Variants in BMAL2 observed in about 807,000 individuals in gnomAD.
The protein encoded by BMAL2 is basic helix-loop-helix ARNT-like protein 2.
At chr12:27,408,219 G>A in the BMAL2 span, among the ~76,000 whole-genome samples, 2 of 152,140 alleles carry the variant, frequency 1.3e-5, no homozygotes, top group African/African-American at 4.8e-5. Flanking sequence ...TAGAAAAAGA[G>A]GGAATCCTCC....
the BMAL2 span, among the ~76,000 whole-genome samples, chr12:27,408,106 T>G: frequency 6.6e-6 from 1 of 151,944 alleles, no homozygotes; most frequent in South Asian, 2.1e-4. Flanking sequence ...AATTAATAGC[T>G]TACCAACCAA....
chr12:27,373,002 T>C, the BMAL2 span, among the ~76,000 whole-genome samples: 1 of 152,192 alleles, frequency 6.6e-6, no homozygotes, highest in Non-Finnish European at 1.5e-5. Flanking sequence ...TGCTTGATTA[T>C]AGCCATCCTG....
At chr12:27,333,374 T>C in the BMAL2 span, among the ~76,000 whole-genome samples, 1 of 152,070 alleles carries the variant, frequency 6.6e-6, no homozygotes, top group African/African-American at 2.4e-5. Context: ...CGCGGTGTCT[T>C]GGTCCCGGGC....
At chr12:27,347,553 G>T in the BMAL2 span, among the ~76,000 whole-genome samples, 1 of 152,068 alleles carries the variant, frequency 6.6e-6, no homozygotes, top group East Asian at 1.9e-4. Flanking sequence ...GACATTGTAG[G>T]ACCACAGCTG....
the BMAL2 span, among the ~76,000 whole-genome samples, chr12:27,406,911 A>G: frequency 6.6e-6 from 1 of 152,330 alleles, no homozygotes; most frequent in South Asian, 2.1e-4. Context: ...TACCAAGCAA[A>G]TGGAAAACAA....
chr12:27,424,681 A>C, the BMAL2 span: 26 of 152,218 alleles, frequency 1.7e-4, no homozygotes, highest in African/African-American at 4.8e-4. Flanking sequence ...TCTCCCCCTC[A>C]GGTGGGTCAT....
At chr12:27,380,461 G>T in the BMAL2 span, 2 of 1,581,540 alleles carry the variant, frequency 1.3e-6, no homozygotes, top group African/African-American at 2.7e-5. Flanking sequence ...TGTCACTGAG[G>T]TCTCTGATTG....
the BMAL2 span, among the ~76,000 whole-genome samples, chr12:27,395,249 C>T: frequency 5.9e-5 from 9 of 152,162 alleles, no homozygotes; most frequent in Non-Finnish European, 1.3e-4. Flanking sequence ...AGCAGGACTC[C>T]ACCTTGTCTG....
chr12:27,372,096 C>T, the BMAL2 span, among the ~76,000 whole-genome samples: 49 of 152,066 alleles, frequency 3.2e-4, no homozygotes, highest in Non-Finnish European at 6.0e-4. Context: ...CCAGGCATGG[C>T]GGCATGCGCC....
the BMAL2 span, chr12:27,370,216 C>T: frequency 5.0e-6 from 8 of 1,613,330 alleles, no homozygotes; most frequent in Non-Finnish European, 6.8e-6. Context: ...AAATATCAGC[C>T]TCCAGTGGCA....
chr12:27,418,252 A>G, the BMAL2 span: 2 of 1,165,754 alleles, frequency 1.7e-6, no homozygotes, highest in Non-Finnish European at 1.3e-6. Context: ...CCCCCTCTTA[A>G]TCACTATGTT....
the BMAL2 span, among the ~76,000 whole-genome samples, chr12:27,381,855 A>G: frequency 6.6e-6 from 1 of 152,236 alleles, no homozygotes; most frequent in Non-Finnish European, 1.5e-5. Context: ...GTAAAGATCT[A>G]GAAGATTATA....
chr12:27,408,275 G>A, the BMAL2 span, among the ~76,000 whole-genome samples: 1 of 152,216 alleles, frequency 6.6e-6, no homozygotes, highest in Non-Finnish European at 1.5e-5. Context: ...CCATAGCCTG[G>A]CAGAGACACA....
the BMAL2 span, among the ~76,000 whole-genome samples, chr12:27,383,313 G>A: frequency 8.5e-5 from 13 of 152,238 alleles, no homozygotes; most frequent in African/African-American, 2.9e-4. Context: ...TGGGGATGGG[G>A]TCAGAAGAGG....
chr12:27,409,751 A>G, the BMAL2 span, among the ~76,000 whole-genome samples: 1 of 151,874 alleles, frequency 6.6e-6, no homozygotes, highest in South Asian at 2.1e-4. Flanking sequence ...AATGGGATCT[A>G]ATTAAACTAA....
At chr12:27,418,755 G>A in the BMAL2 span, among the ~76,000 whole-genome samples, 4 of 152,050 alleles carry the variant, frequency 2.6e-5, no homozygotes, top group Admixed American at 2.0e-4. Context: ...CAAGGCAGGC[G>A]AATCATGAGG....
the BMAL2 span, among the ~76,000 whole-genome samples, chr12:27,380,699 C>G: frequency 6.6e-6 from 1 of 152,134 alleles, no homozygotes; most frequent in Non-Finnish European, 1.5e-5. Context: ...CCTTTCATAC[C>G]TCTCAATTCT....
chr12:27,388,918 C>G, the BMAL2 span, among the ~76,000 whole-genome samples: 6 of 151,904 alleles, frequency 3.9e-5, no homozygotes. Context: ...ACAAGAGTTA[C>G]AAGATTTAGC....
At chr12:27,377,936 T>C in the BMAL2 span, among the ~76,000 whole-genome samples, 107 of 148,288 alleles carry the variant, frequency 7.2e-4, no homozygotes, top group Non-Finnish European at 1.4e-3. Flanking sequence ...CCTTCATCGG[T>C]GTTCCTCCCT....
Sources: allele counts gnomAD v4.1 joint callset (sites outside exome capture counted in the v4.1 genomes callset), GRCh38; gene constraint gnomAD v4.1.1; transcripts MANE v1.5; gene names NCBI Gene and HGNC (gene_info 2026-07-23, HGNC 2026-07-21).